Variants in DLC1 observed in about 807,000 individuals in gnomAD.
DLC1 encodes rho GTPase-activating protein 7.
DLC1 carries 54 observed loss-of-function variants against 140.3 expected under a neutral mutation model. The observed-to-expected ratio is 0.38, with a 90% CI of 0.31 to 0.48. The LOEUF (loss-of-function observed/expected upper bound fraction) is 0.48, where lower values mean the gene tolerates loss of function less well. Among genes scored for constraint, DLC1 ranks in the 20% least tolerant of loss-of-function variants. DLC1 has a pLI of 0.96. For synonymous variants in DLC1, 986 were observed against 728.1 expected, an observed-to-expected ratio of 1.35 and a Z score of -5.70; for missense variants, 2,536 against 1,907.0, an observed-to-expected ratio of 1.33 and a Z score of -6.14.
chr8:13,459,006 A>T (rs944957726), intron 2 of DLC1, among the ~76,000 whole-genome samples: 2 of 152,240 alleles, frequency 1.3e-5, no homozygotes, highest in African/African-American at 4.8e-5. Context: ...TTTTGATTCA[A>T]TTCTATGACC....
At chr8:13,539,342 G>C (rs1803406575) in intron 1 of DLC1, among the ~76,000 whole-genome samples, 1 of 152,068 alleles carries the variant, frequency 6.6e-6, no homozygotes, top group Non-Finnish European at 1.5e-5. Flanking sequence ...TGGGACTACA[G>C]GTGCACGCCA....
chr8:13,100,559 G>A lies in DLC1; in HGVS notation c.1778C>T (p.Ser593Phe). ...MDLSERQEVS[S>F]VRSLSSTGSL... ...GCCAGTGCTGCTGAGGCTGCGGACG[G>A]AAGACACCTCCTGGCGCTCGCTGAG... is the stretch of plus-strand genomic sequence containing the variant. The change falls in exon 9 of 18, where the codon TCC becomes TTC. Residue 593 changes from serine (S) to phenylalanine (F), a missense_variant. Coordinates refer to ENST00000276297, the MANE Select transcript of DLC1 (RefSeq NM_182643.3). The A allele has an allele frequency of 1.2e-6, 2 of 1,613,484 alleles. No homozygotes were observed. Among genetic ancestry groups the A allele is most frequent in the Non-Finnish European group, 1.7e-6 (2 of 1,179,890 alleles).
intron 5 of DLC1, among the ~76,000 whole-genome samples, chr8:13,235,494 T>G (rs183177277): frequency 1.3e-5 from 2 of 152,066 alleles, no homozygotes; most frequent in African/African-American, 4.8e-5. Context: ...CTTCAATGTG[T>G]GATATTCTAA....
At chr8:13,293,621 C>T (rs1831843482) in intron 5 of DLC1, among the ~76,000 whole-genome samples, 1 of 152,180 alleles carries the variant, frequency 6.6e-6, no homozygotes, top group African/African-American at 2.4e-5. Context: ...CGGGAGGTTT[C>T]TGCTTTCAAG....
At chr8:13,516,776 G>C (rs1469334378), upstream of DLC1, among the ~76,000 whole-genome samples, 1 of 152,092 alleles carries the variant, frequency 6.6e-6, no homozygotes, top group Non-Finnish European at 1.5e-5. Context: ...TGTTTCTACT[G>C]ACAGTATGCC....
intron 5 of DLC1, among the ~76,000 whole-genome samples, chr8:13,254,144 C>G (rs1273657466): frequency 6.6e-6 from 1 of 151,714 alleles, no homozygotes; most frequent in African/African-American, 2.4e-5. Flanking sequence ...ATCCTTCTCC[C>G]TCCTTTCCCC....
intron 4 of DLC1, among the ~76,000 whole-genome samples, chr8:13,362,922 C>A (rs777778569): frequency 2.0e-5 from 3 of 152,116 alleles, no homozygotes; most frequent in Non-Finnish European, 2.9e-5. Context: ...CTTTCCAGAC[C>A]ATCCTACCAA....
chr8:13,366,026 T>C (rs1835462295), intron 4 of DLC1, among the ~76,000 whole-genome samples: 1 of 152,176 alleles, frequency 6.6e-6, no homozygotes, highest in Non-Finnish European at 1.5e-5. Flanking sequence ...AAGTGATCCT[T>C]CAGTCAGGTG....
intron 5 of DLC1, among the ~76,000 whole-genome samples, chr8:13,139,288 C>CAAAAAAAA (rs67684524): frequency 1.6e-4 from 8 of 49,286 alleles, no homozygotes; most frequent in Admixed American, 3.7e-4. Flanking sequence ...GACCCTGTCT[C>CAAAAAAAA]AAAAAAAAAA....
intron 1 of DLC1, among the ~76,000 whole-genome samples, chr8:13,577,768 T>C (rs955534047): frequency 2.0e-5 from 3 of 152,310 alleles, no homozygotes; most frequent in African/African-American, 7.2e-5. Context: ...TTATAGGATA[T>C]AATTTGTTGG....
chr8:13,595,884 T>C (rs1235130900), intron 1 of DLC1, among the ~76,000 whole-genome samples: 1 of 152,006 alleles, frequency 6.6e-6, no homozygotes, highest in Non-Finnish European at 1.5e-5. Context: ...CAGCCTATGA[T>C]AATTGCACGT....
At chr8:13,173,742 A>G (rs1024904787) in intron 5 of DLC1, among the ~76,000 whole-genome samples, 7 of 152,230 alleles carry the variant, frequency 4.6e-5, no homozygotes, top group Non-Finnish European at 8.8e-5. Context: ...AACTACATAT[A>G]AAACTACAGA....
At chr8:13,575,751 C>T (rs554428429) in intron 1 of DLC1, among the ~76,000 whole-genome samples, 1 of 152,304 alleles carries the variant, frequency 6.6e-6, no homozygotes, top group East Asian at 1.9e-4. Context: ...AGTGAAAGTT[C>T]ACTGAACACC....
intron 4 of DLC1, among the ~76,000 whole-genome samples, chr8:13,346,564 C>A (rs1049040074): frequency 6.6e-6 from 1 of 152,178 alleles, no homozygotes; most frequent in Non-Finnish European, 1.5e-5. Flanking sequence ...TTTAATTGTT[C>A]TAGTTCTTTG....
Position 13,093,743 on chromosome 8 carries a change from T to A in DLC1, c.3527-918A>T, listed in dbSNP as rs536459377. Reference sequence around the variant, plus strand: ...AAGGATGAAACAACCAATGAAATAATCCAGACCAGCTCCATTTCTCATAAA... The same window carrying A: ...AAGGATGAAACAACCAATGAAATAAACCAGACCAGCTCCATTTCTCATAAA... On this transcript the variant is annotated intron_variant, in intron 12 of 17. Coordinates refer to ENST00000276297, the MANE Select transcript of DLC1 (RefSeq NM_182643.3). Among the ~76,000 whole-genome samples the A allele has an allele frequency of 4.6e-5, 7 of 152,236 alleles. No individual in the cohort carries two copies. In the South Asian group the frequency reaches 1.5e-3, roughly 32 times the overall value.
Position 13,561,627 on chromosome 8 carries a change from C to A in DLC1, c.-126+42910G>T, listed in dbSNP as rs1804246829. Among the ~76,000 whole-genome samples the A allele has an allele frequency of 2.0e-5, 3 of 152,166 alleles. No homozygotes were observed. In the South Asian group the frequency reaches 6.2e-4, roughly 32 times the overall value. On this transcript the variant is annotated intron_variant, in intron 1 of 1. Transcript: ENST00000631382. The stretch of plus-strand genomic sequence containing the variant: ...TTCTTTATTAATTTATTTATTTCTT[C>A]ATCTGTCTATTCATTTACCTGCTTA...
In DLC1 at chr8:13,158,065, A is replaced by G. The variant is rs1038047250; in HGVS notation, c.1349-42408T>C. 2.0e-5 allele frequency among the ~76,000 whole-genome samples: 3 copies of G among 152,214 alleles called. No individual in the cohort carries two copies. In the East Asian group the frequency reaches 5.8e-4, roughly 29 times the overall value. ...TTGTTTAAAGTTTTAAAGCCTTCAG[A>G]TATTTCAATGAGAGAAACTCAAGAC... On this transcript the variant is annotated intron_variant, in intron 5 of 17. Transcript: ENST00000276297.
intron 2 of DLC1, among the ~76,000 whole-genome samples, chr8:13,405,102 T>C (rs983039520): frequency 5.3e-5 from 8 of 152,176 alleles, no homozygotes; most frequent in African/African-American, 1.9e-4. Context: ...ATTTATTATT[T>C]ATGTTTGTAA....
At chr8:13,322,047 A>C (rs1028213230) in intron 4 of DLC1, among the ~76,000 whole-genome samples, 2 of 152,176 alleles carry the variant, frequency 1.3e-5, no homozygotes, top group African/African-American at 2.4e-5. Flanking sequence ...GACCTGAAAA[A>C]TATTTCTCTT....
Sources: allele counts gnomAD v4.1 joint callset (sites outside exome capture counted in the v4.1 genomes callset), GRCh38; gene constraint gnomAD v4.1.1; transcripts MANE v1.5; gene names NCBI Gene and HGNC (gene_info 2026-07-23, HGNC 2026-07-21).